NCKAP1: variants seen among roughly 807,000 people sequenced by gnomAD.
The protein encoded by NCKAP1 is nck-associated protein 1.
NCKAP1 carries 21 observed loss-of-function variants against 151.2 expected under a neutral mutation model. The ratio of observed to expected loss-of-function variants is 0.14; its 90% CI spans 0.10 to 0.20. The LOEUF (loss-of-function observed/expected upper bound fraction) is 0.20, where lower values mean the gene tolerates loss of function less well. Ranked by LOEUF, NCKAP1 falls within the 10% of genes least tolerant of loss-of-function variation. The pLI is 1.00. For missense variants in NCKAP1, 933 were observed against 1,352.1 expected, an observed-to-expected ratio of 0.69 and a Z score of 4.86; for synonymous variants, 484 against 451.8, an observed-to-expected ratio of 1.07 and a Z score of -0.90.
intron 17 of NCKAP1, among the ~76,000 whole-genome samples, chr2:182,963,701 G>A (rs1004626992): frequency 6.6e-6 from 1 of 152,082 alleles, no homozygotes; most frequent in Non-Finnish European, 1.5e-5. Flanking sequence ...GATTTTATGG[G>A]TAATTTAATG....
chr2:182,983,527 T>C (rs1465846562), intron 10 of NCKAP1, 145 bp from the exon 11 acceptor site: 1 of 534,488 alleles, frequency 1.9e-6, no homozygotes, highest in Non-Finnish European at 3.3e-6. Context: ...TATGTGTCTA[T>C]CGTTAAGTGA....
chr2:182,951,860 A>G lies in NCKAP1; in HGVS notation c.2601+545T>C, dbSNP rs1004403417. 2.0e-5 allele frequency among the ~76,000 whole-genome samples: 3 copies of G among 152,254 alleles called. No homozygotes were observed. In the East Asian group the frequency reaches 5.8e-4, roughly 29 times the overall value. On this transcript the variant is annotated intron_variant, in intron 23 of 30. Transcript: ENST00000361354. ...ATCACCGTAGCTGTAGGATATTTCT[A>G]AAAGGCTAATAAAAAGGTATTTAAA...
chr2:182,965,677 G>T (rs1697555756), intron 16 of NCKAP1, among the ~76,000 whole-genome samples: 1 of 152,142 alleles, frequency 6.6e-6, no homozygotes, highest in Non-Finnish European at 1.5e-5. Context: ...ATTCAGGTAT[G>T]ACTGAAAATT....
chr2:182,975,073 G>T (rs916434311), intron 15 of NCKAP1, among the ~76,000 whole-genome samples: 1 of 152,166 alleles, frequency 6.6e-6, no homozygotes, highest in African/African-American at 2.4e-5. Context: ...ACCCAGAACA[G>T]GAGATTGAAG....
intron 9 of NCKAP1, among the ~76,000 whole-genome samples, chr2:182,987,318 G>T (rs1020758599): frequency 2.6e-5 from 4 of 151,952 alleles, no homozygotes; most frequent in African/African-American, 9.7e-5. Flanking sequence ...ATGTTTAAGT[G>T]GTCTAAGATT....
chr2:183,019,382 T>C (rs1290675897), intron 2 of NCKAP1, among the ~76,000 whole-genome samples: 1 of 151,874 alleles, frequency 6.6e-6, no homozygotes, highest in Non-Finnish European at 1.5e-5. Context: ...GGAAAAAAAA[T>C]TAGAAAAGTT....
At chr2:182,949,983 A>C (rs1471324889) in intron 23 of NCKAP1, among the ~76,000 whole-genome samples, 2 of 152,220 alleles carry the variant, frequency 1.3e-5, no homozygotes, top group African/African-American at 4.8e-5. Flanking sequence ...ATACAGCTGA[A>C]TGAAGAGAAT....
chr2:182,968,061 G>A (rs1697611194), intron 15 of NCKAP1, among the ~76,000 whole-genome samples: 1 of 152,192 alleles, frequency 6.6e-6, no homozygotes, highest in Non-Finnish European at 1.5e-5. Context: ...TGAGTGCAAA[G>A]AAGAGAAGGG....
chr2:182,976,540 A>T (rs1309806252), intron 15 of NCKAP1, among the ~76,000 whole-genome samples: 1 of 152,194 alleles, frequency 6.6e-6, no homozygotes, highest in East Asian at 1.9e-4. Context: ...CTGTTTCTTT[A>T]TTAGAAAAAG....
chr2:182,969,142 A>G (rs1020273388), intron 15 of NCKAP1, among the ~76,000 whole-genome samples: 1 of 152,226 alleles, frequency 6.6e-6, no homozygotes, highest in African/African-American at 2.4e-5. Context: ...ACATTTTTAA[A>G]AAGCAGAATT....
In NCKAP1 at chr2:182,995,779, A is replaced by T; in HGVS notation, c.663T>A (p.Ala221=). 1 of 1,613,296 alleles carries T rather than the reference A, an allele frequency of 6.2e-7. No individual in the cohort carries two copies. Among genetic ancestry groups the T allele is most frequent in the Non-Finnish European group, 8.5e-7 (1 of 1,179,236 alleles). ...ATAACTGGGCATTTCTCCACTGGTC[A>T]GCTGAAAGATTCCTTCGAGGATATA... ...QMVYPRRNLS[A]DQWRNAQLLS... is the part of the protein sequence containing the mutation. The change falls in exon 7 of 31, where the codon GCT becomes GCA. Residue 221 remains alanine (A), a synonymous_variant. Coordinates refer to ENST00000361354, the MANE Select transcript of NCKAP1 (RefSeq NM_013436.5).
intron 26 of NCKAP1, among the ~76,000 whole-genome samples, chr2:182,931,925 G>A (rs1198417154): frequency 1.3e-5 from 2 of 151,960 alleles, no homozygotes; most frequent in Non-Finnish European, 2.9e-5. Flanking sequence ...ACAATGAGAT[G>A]CCACTTCACA....
rs1696426519 is a variant in NCKAP1, at chr2:182,913,564, G to C, written c.*12138C>G. On this transcript the variant is annotated 3_prime_UTR_variant, in exon 31 of 31. Transcript: ENST00000361354. ...CCCACTAGCAAGAAGGCCCTCACTA[G>C]ATGAGAACCCTTGACCTTGTACTTC... The C allele has an allele frequency of 6.5e-6, 1 of 152,796 alleles. No homozygotes were observed. Among genetic ancestry groups the C allele is most frequent in the East Asian group, 1.9e-4 (1 of 5,232 alleles). 9.5% of individuals were successfully genotyped at this position (152,796 alleles called of 1,614,324 possible). A position where few individuals can be genotyped will look rare whatever the true frequency, so the allele number is the denominator to read the frequency against.
intron 2 of NCKAP1, among the ~76,000 whole-genome samples, chr2:183,011,455 C>T (rs1698588374): frequency 2.6e-5 from 4 of 152,200 alleles, no homozygotes; most frequent in Admixed American, 6.5e-5. Context: ...CTGTTACTCC[C>T]AAGCCCTAGG....
chr2:182,970,139 A>G (rs1245317108), intron 15 of NCKAP1, among the ~76,000 whole-genome samples: 1 of 152,198 alleles, frequency 6.6e-6, no homozygotes, highest in Non-Finnish European at 1.5e-5. Flanking sequence ...ATGAGAGAAA[A>G]GCCTGGGACC....
chr2:182,946,057 AAG>A (rs1455338097), intron 23 of NCKAP1, among the ~76,000 whole-genome samples: 1 of 152,208 alleles, frequency 6.6e-6, no homozygotes, highest in African/African-American at 2.4e-5. Flanking sequence ...TTAACACAGA[AAG>A]AGAAAACCAA....
At chr2:182,934,971 T>C in intron 25 of NCKAP1, 139 bp from the exon 26 acceptor site, 1 of 572,712 alleles carries the variant, frequency 1.7e-6, no homozygotes, top group Non-Finnish European at 3.1e-6. Flanking sequence ...TTTCAAAAAT[T>C]TCAAGACATA....
At chr2:183,007,034 C>T (rs951369401) in intron 2 of NCKAP1, among the ~76,000 whole-genome samples, 12 of 152,104 alleles carry the variant, frequency 7.9e-5, no homozygotes, top group African/African-American at 2.4e-4. Context: ...ATACATCCAG[C>T]TAATTTCTTT....
chr2:182,938,469 A>C (rs1385169424), intron 24 of NCKAP1, among the ~76,000 whole-genome samples: 1 of 152,174 alleles, frequency 6.6e-6, no homozygotes, highest in Non-Finnish European at 1.5e-5. Context: ...AAAGCACCAA[A>C]TCTTGCAAAT....
Sources: allele counts gnomAD v4.1 joint callset (sites outside exome capture counted in the v4.1 genomes callset), GRCh38; gene constraint gnomAD v4.1.1; transcripts MANE v1.5; gene names NCBI Gene and HGNC (gene_info 2026-07-23, HGNC 2026-07-21).